Variants in MBD5 observed in about 807,000 individuals in gnomAD.
MBD5 encodes methyl-CpG binding domain protein 5.
MBD5 carries 13 observed loss-of-function variants against 117.3 expected under a neutral mutation model. The observed-to-expected ratio is 0.11, with a 90% CI of 0.07 to 0.18. MBD5 has a LOEUF of 0.18. MBD5 is among the 10% of genes least tolerant of loss of function. The pLI, the probability that MBD5 is intolerant of heterozygous loss-of-function variation, is 1.00. For synonymous variants in MBD5, 727 were observed against 766.4 expected (o/e 0.95, Z 0.85); for missense variants, 1,879 against 2,093.8 (o/e 0.90, Z 2.00).
chr2:148,114,125 A>C (rs1050017029), intron 1 of MBD5, among the ~76,000 whole-genome samples: 1 of 152,208 alleles, frequency 6.6e-6, no homozygotes, highest in African/African-American at 2.4e-5. Flanking sequence ...TTGATGAAAT[A>C]AATCTTTGGA....
At position 148,259,795 on chromosome 2, in the gene MBD5, G is replaced by A. The variant is rs369973599; in HGVS notation, c.-680+26400G>A. ...GTGGTTGCATAATGTGCAGAGCTGTGCACCTGCACCACAAACCCGCTGAGT... is the reference window on the plus strand; with the variant it reads ...GTGGTTGCATAATGTGCAGAGCTGTACACCTGCACCACAAACCCGCTGAGT... On this transcript the variant is annotated intron_variant, in intron 3 of 13. Coordinates refer to ENST00000642680, the MANE Select transcript of MBD5 (RefSeq NM_001378120.1). 2.6e-5 allele frequency among the ~76,000 whole-genome samples: 4 copies of A among 152,258 alleles called. No individual in the cohort carries two copies. The South Asian group carries it at 8.3e-4, about 32-fold the overall frequency.
chr2:148,204,433 G>A (rs1699224986), intron 2 of MBD5, among the ~76,000 whole-genome samples: 1 of 152,076 alleles, frequency 6.6e-6, no homozygotes, highest in African/African-American at 2.4e-5. Context: ...ATTATTTAAA[G>A]ATAAGACTCA....
intron 1 of MBD5, chr2:148,054,808 T>C (rs1341291074): frequency 6.6e-6 from 1 of 152,234 alleles, no homozygotes; most frequent in African/African-American, 2.4e-5. Flanking sequence ...TCACAGTGTA[T>C]GCTTATGTTC....
At chr2:148,276,943 CA>C (rs1701127711) in intron 3 of MBD5, among the ~76,000 whole-genome samples, 1 of 151,846 alleles carries the variant, frequency 6.6e-6, no homozygotes, top group South Asian at 2.1e-4. Context: ...AAATTAAACC[CA>C]AAGGAGAAGA....
chr2:148,095,308 T>G (rs997702831), intron 1 of MBD5, among the ~76,000 whole-genome samples: 1 of 152,194 alleles, frequency 6.6e-6, no homozygotes, highest in Non-Finnish European at 1.5e-5. Flanking sequence ...CTTATTCTGT[T>G]GCTTAATAAT....
intron 4 of MBD5, among the ~76,000 whole-genome samples, chr2:148,427,678 T>C (rs567241541): frequency 6.6e-6 from 1 of 152,016 alleles, no homozygotes; most frequent in Non-Finnish European, 1.5e-5. Flanking sequence ...TTAGGAGATA[T>C]ACCTAATGTT....
intron 1 of MBD5, among the ~76,000 whole-genome samples, chr2:148,109,862 G>C (rs1696466941): frequency 6.6e-6 from 1 of 151,988 alleles, no homozygotes; most frequent in Non-Finnish European, 1.5e-5. Context: ...TCCTCAATAA[G>C]TTATATGGTT....
intron 4 of MBD5, among the ~76,000 whole-genome samples, chr2:148,425,772 T>A (rs1227009840): frequency 6.6e-6 from 1 of 152,164 alleles, no homozygotes; most frequent in Non-Finnish European, 1.5e-5. Flanking sequence ...ATAAACAGAA[T>A]AAATGACAAA....
chr2:148,116,139 T>C (rs1696632939), intron 1 of MBD5, among the ~76,000 whole-genome samples: 1 of 152,066 alleles, frequency 6.6e-6, no homozygotes, highest in African/African-American at 2.4e-5. Context: ...CCACTGCACC[T>C]GGCCCCATTT....
chr2:148,408,754 A>G (rs72859377), intron 4 of MBD5, among the ~76,000 whole-genome samples: 6,267 of 152,312 alleles, frequency 0.041, 164 homozygotes, highest in Non-Finnish European at 0.055. Flanking sequence ...TTCTACATCC[A>G]TGGATTTAAC....
In MBD5 at chr2:148,489,695, G is replaced by A; in HGVS notation, c.4063G>A (p.Ala1355Thr). 6.2e-7 allele frequency: 1 copy of A among 1,614,188 alleles called. No individual in the cohort carries two copies. Among genetic ancestry groups the A allele is most frequent in the Non-Finnish European group, 8.5e-7 (1 of 1,180,034 alleles). Residue 1355 changes from alanine (A) to threonine (T), a missense_variant, in exon 11 of 14, where the codon GCC (alanine) becomes ACC (threonine). By Grantham distance (58) the Ala-to-Thr change is moderately conservative. This residue lies in a region of MBD5 where 1,666 missense variants were observed against 1,792.2 expected (regional missense o/e 0.93). Coordinates refer to ENST00000642680, the MANE Select transcript of MBD5 (RefSeq NM_001378120.1). ...TQISPIPALS[A>T]MSAFTASIGD... is the part of the protein sequence containing the mutation. ...GATCAGCCCCATTCCAGCTCTGAGT[G>A]CCATGAGTGCCTTCACTGCCTCAAT...
At chr2:148,178,846 T>A in intron 2 of MBD5, 53 bp downstream of exon 2, 1 of 397,308 alleles carries the variant, frequency 2.5e-6, no homozygotes, top group Non-Finnish European at 4.4e-6. Context: ...GTTAGGGTTG[T>A]CAGATTATAA....
intron 1 of MBD5, among the ~76,000 whole-genome samples, chr2:148,031,631 G>A (rs1055396592): frequency 1.3e-5 from 2 of 151,880 alleles, no homozygotes; most frequent in Admixed American, 6.6e-5. Context: ...ATGTAGTTTC[G>A]AAAAGAAAGA....
chr2:148,305,813 C>G (rs1701877154), intron 3 of MBD5, among the ~76,000 whole-genome samples: 1 of 152,154 alleles, frequency 6.6e-6, no homozygotes, highest in Non-Finnish European at 1.5e-5. Context: ...TCAAAGGAAA[C>G]TAGAGGAATT....
chr2:148,256,042 G>A (rs1700581940), intron 3 of MBD5, among the ~76,000 whole-genome samples: 1 of 152,236 alleles, frequency 6.6e-6, no homozygotes, highest in South Asian at 2.1e-4. Context: ...GTCCACATCT[G>A]TTAGCACATG....
chr2:148,024,455 T>C (rs1693845063), intron 1 of MBD5, among the ~76,000 whole-genome samples: 1 of 152,204 alleles, frequency 6.6e-6, no homozygotes. Context: ...ATTTTTGTTT[T>C]GTTAACACAT....
intron 1 of MBD5, among the ~76,000 whole-genome samples, chr2:148,122,482 C>T (rs527997333): frequency 1.6e-4 from 24 of 152,190 alleles, no homozygotes; most frequent in Non-Finnish European, 1.8e-4. Flanking sequence ...TCTCTACTTA[C>T]GAAGGCAGGG....
chr2:148,270,672 A>G (rs1220277737), intron 3 of MBD5, among the ~76,000 whole-genome samples: 1 of 152,144 alleles, frequency 6.6e-6, no homozygotes, highest in East Asian at 1.9e-4. Context: ...TACAGGTGTC[A>G]GCCGCCATGT....
intron 4 of MBD5, among the ~76,000 whole-genome samples, chr2:148,362,692 G>C (rs1574335453): frequency 6.6e-6 from 1 of 152,204 alleles, no homozygotes; most frequent in South Asian, 2.1e-4. Flanking sequence ...TCCTGACTGG[G>C]AGACACTTCC....
Sources: gnomAD v4.1 joint callset for allele counts (sites outside exome capture counted in the v4.1 genomes callset) on GRCh38, gnomAD v4.1.1 for gene constraint, gnomAD v4.1.1 regional missense constraint, MANE v1.5 for transcripts, NCBI Gene and HGNC (gene_info 2026-07-23, HGNC 2026-07-21) for gene names.